CNTNAP2: variants seen among roughly 807,000 people sequenced by gnomAD.
CNTNAP2 encodes contactin-associated protein-like 2.
CNTNAP2 carries 98 observed loss-of-function variants against 155.2 expected under a neutral mutation model. That is an observed-to-expected ratio of 0.63 (90% CI 0.54 to 0.75). The LOEUF is 0.75. Ranked by LOEUF, CNTNAP2 falls within the 30% of genes least tolerant of loss-of-function variation. CNTNAP2 has a pLI of 0.00. For missense variants in CNTNAP2, 1,727 were observed against 1,688.1 expected (o/e 1.02, Z -0.40); for synonymous variants, 651 against 631.2 (o/e 1.03, Z -0.47).
intron 15 of CNTNAP2, among the ~76,000 whole-genome samples, chr7:148,114,030 A>G (rs531362745): frequency 2.0e-5 from 3 of 152,284 alleles, no homozygotes; most frequent in African/African-American, 7.2e-5. Context: ...TCTCTTTGCC[A>G]TATAGTGAAT....
intron 8 of CNTNAP2, among the ~76,000 whole-genome samples, chr7:147,158,666 AT>A (rs1174515144): frequency 1.3e-5 from 2 of 152,166 alleles, no homozygotes; most frequent in Admixed American, 1.3e-4. Context: ...TTTCTTCAAT[AT>A]CAAAAAGCAC....
intron 15 of CNTNAP2, among the ~76,000 whole-genome samples, chr7:148,106,872 G>A (rs1026747518): frequency 6.6e-6 from 1 of 152,116 alleles, no homozygotes; most frequent in Non-Finnish European, 1.5e-5. Context: ...GGCTTACCCA[G>A]GACAGAAATT....
chr7:147,272,663 A>G (rs947667934), intron 8 of CNTNAP2, among the ~76,000 whole-genome samples: 1 of 118,416 alleles, frequency 8.4e-6, no homozygotes, highest in African/African-American at 3.0e-5. Context: ...ACGCCCGGCT[A>G]ATTTTTTTTT....
chr7:146,615,453 G>T (rs975812752), intron 1 of CNTNAP2, among the ~76,000 whole-genome samples: 2 of 152,280 alleles, frequency 1.3e-5, no homozygotes, highest in Admixed American at 6.5e-5. Flanking sequence ...ATGGAAACAA[G>T]ATATTAAATA....
At chr7:147,466,474 G>A (rs1798121440) in intron 10 of CNTNAP2, among the ~76,000 whole-genome samples, 1 of 152,130 alleles carries the variant, frequency 6.6e-6, no homozygotes, top group South Asian at 2.1e-4. Flanking sequence ...TTGGGGAAGA[G>A]GGATTCTAGT....
intron 1 of CNTNAP2, among the ~76,000 whole-genome samples, chr7:146,484,923 AG>A (rs1797031461): frequency 6.6e-6 from 1 of 152,194 alleles, no homozygotes. Context: ...TGGTTCAAAA[AG>A]CATAATTTAG....
intron 11 of CNTNAP2, among the ~76,000 whole-genome samples, chr7:147,502,003 T>A (rs1798822900): frequency 6.6e-6 from 1 of 152,152 alleles, no homozygotes; most frequent in Admixed American, 6.5e-5. Flanking sequence ...TAGGCATATA[T>A]TTAACCAAAG....
chr7:146,286,990 G>A (rs958693879), intron 1 of CNTNAP2, among the ~76,000 whole-genome samples: 1 of 152,088 alleles, frequency 6.6e-6, no homozygotes, highest in Admixed American at 6.5e-5. Flanking sequence ...AACAGGTGAT[G>A]AGAACGTCCC....
At chr7:146,875,184 G>T (rs6942401) in intron 3 of CNTNAP2, among the ~76,000 whole-genome samples, 1 of 151,936 alleles carries the variant, frequency 6.6e-6, no homozygotes, top group African/African-American at 2.4e-5. Flanking sequence ...ATCTGAGATT[G>T]TAAGTGGCAT....
At chr7:147,931,566 C>A (rs2707571) in intron 14 of CNTNAP2, among the ~76,000 whole-genome samples, 68,521 of 152,004 alleles carry the variant, frequency 0.45, 17,078 homozygotes, top group Middle Eastern at 0.72. Context: ...AAACCAAATT[C>A]AACAGCATAT....
intron 1 of CNTNAP2, among the ~76,000 whole-genome samples, chr7:146,684,526 A>T (rs527418581): frequency 1.3e-5 from 2 of 151,214 alleles, no homozygotes; most frequent in African/African-American, 4.9e-5. Flanking sequence ...GGCATAACTT[A>T]TGTGGGCCAA....
intron 1 of CNTNAP2, among the ~76,000 whole-genome samples, chr7:146,376,016 G>T (rs1203408484): frequency 6.6e-6 from 1 of 152,132 alleles, no homozygotes; most frequent in East Asian, 1.9e-4. Flanking sequence ...AAAATCATGA[G>T]CGTATAACTG....
intron 3 of CNTNAP2, among the ~76,000 whole-genome samples, chr7:146,908,703 A>G (rs2129216079): frequency 7.4e-6 from 1 of 135,836 alleles, no homozygotes; most frequent in Non-Finnish European, 1.6e-5. Context: ...AAAGCAGGAA[A>G]GATCCAAAAT....
chr7:146,568,822 T>G (rs1270725038), intron 1 of CNTNAP2, among the ~76,000 whole-genome samples: 1 of 152,116 alleles, frequency 6.6e-6, no homozygotes, highest in Non-Finnish European at 1.5e-5. Context: ...TTCCCATGTT[T>G]CCAGCTGTAT....
chr7:146,193,239 C>T (rs536591792), intron 1 of CNTNAP2, among the ~76,000 whole-genome samples: 52 of 152,270 alleles, frequency 3.4e-4, no homozygotes, highest in Middle Eastern at 6.8e-3. Flanking sequence ...GGATGGTGGC[C>T]CTCTTCTCAC....
At chr7:146,735,886 ATAGC>A (rs144070542) in intron 1 of CNTNAP2, among the ~76,000 whole-genome samples, 2,481 of 152,188 alleles carry the variant, frequency 0.016, 36 homozygotes, top group African/African-American at 0.047. Flanking sequence ...ATATTTTCAA[ATAGC>A]TAGAAGAGAG....
chr7:147,876,623 C>T (rs1799423174), intron 13 of CNTNAP2, among the ~76,000 whole-genome samples: 1 of 114,228 alleles, frequency 8.8e-6, no homozygotes, highest in South Asian at 2.6e-4. Context: ...TCCTTCCTTT[C>T]CCTCCACATT....
intron 1 of CNTNAP2, among the ~76,000 whole-genome samples, chr7:146,344,249 A>G (rs1794783817): frequency 6.6e-6 from 1 of 152,212 alleles, no homozygotes; most frequent in South Asian, 2.1e-4. Context: ...TATCTTTACT[A>G]GATTTGAAAC....
chr7:147,270,312 CA>C (rs575646268), intron 8 of CNTNAP2, among the ~76,000 whole-genome samples: 2,268 of 152,174 alleles, frequency 0.015, 67 homozygotes, highest in African/African-American at 0.052. Flanking sequence ...TTTGTATGTA[CA>C]TAGTTTGTAA....
Sources: allele counts gnomAD v4.1 joint callset (sites outside exome capture counted in the v4.1 genomes callset), GRCh38; gene constraint gnomAD v4.1.1; transcripts MANE v1.5; gene names NCBI Gene and HGNC (gene_info 2026-07-23, HGNC 2026-07-21).